Variants in GRAMD1B observed in about 807,000 individuals in gnomAD.
The protein encoded by GRAMD1B is protein Aster-B.
Under a neutral mutation model 99.7 loss-of-function variants are expected in GRAMD1B, and 37 were observed. That is an observed-to-expected ratio of 0.37 (90% confidence interval 0.29 to 0.49). The LOEUF (loss-of-function observed/expected upper bound fraction) is 0.49, where lower values mean the gene tolerates loss of function less well. GRAMD1B is among the 20% of genes least tolerant of loss of function. The pLI is 0.98. For missense variants in GRAMD1B, 888 were observed against 1,009.2 expected (o/e 0.88, Z 1.63); for synonymous variants, 427 against 387.6 (o/e 1.10, Z -1.19).
At chr11:123,419,915 AC>A (rs1487614672) in intron 1 of GRAMD1B, among the ~76,000 whole-genome samples, 1 of 152,048 alleles carries the variant, frequency 6.6e-6, no homozygotes, top group Non-Finnish European at 1.5e-5. Context: ...TGGGAATGGA[AC>A]CCAGTGTCCT....
intron 7 of GRAMD1B, chr11:123,598,880 C>G (rs1244540090): frequency 1.4e-5 from 19 of 1,381,650 alleles, no homozygotes; most frequent in Non-Finnish European, 8.3e-6. Flanking sequence ...CCTGAAGGTA[C>G]TCAAGCAGCA....
At chr11:123,374,132 T>C (rs1156808126) in intron 1 of GRAMD1B, among the ~76,000 whole-genome samples, 2 of 152,202 alleles carry the variant, frequency 1.3e-5, no homozygotes, top group Non-Finnish European at 2.9e-5. Flanking sequence ...TTCCAAAATG[T>C]TATAAATGAT....
At chr11:123,512,881 G>T (rs373212497) in intron 2 of GRAMD1B, among the ~76,000 whole-genome samples, 1 of 151,904 alleles carries the variant, frequency 6.6e-6, no homozygotes, top group Non-Finnish European at 1.5e-5. Context: ...TTTTTCTGGG[G>T]AGAGTATCCT....
intron 2 of GRAMD1B, among the ~76,000 whole-genome samples, chr11:123,564,775 T>C (rs1361299597): frequency 6.6e-6 from 1 of 152,180 alleles, no homozygotes; most frequent in Non-Finnish European, 1.5e-5. Context: ...GAGGGGTCCT[T>C]GATGAGCAAA....
intron 1 of GRAMD1B, among the ~76,000 whole-genome samples, chr11:123,373,062 C>T (rs1004704844): frequency 6.6e-6 from 1 of 152,144 alleles, no homozygotes; most frequent in Non-Finnish European, 1.5e-5. Context: ...TCGCTTAAGT[C>T]CAGGAGGCAG....
Position 123,624,407 on chromosome 11 carries a change from A to G in GRAMD1B, c.*1812A>G, listed in dbSNP as rs530276844. 6.6e-6 allele frequency: 1 copy of G among 152,374 alleles called. No homozygotes were observed. The highest frequency in any genetic ancestry group is 2.1e-4 in the South Asian group (1 of 4,828). 9.4% of individuals were successfully genotyped at this position (152,374 alleles called of 1,614,324 possible). A position where few individuals can be genotyped will look rare whatever the true frequency, so the allele number is the denominator to read the frequency against. ...GCAGGATCAGAAAACAGGAAGGTCC[A>G]TGCCCAGGTGATCCTCCAAGGGAGG... On this transcript the variant is annotated 3_prime_UTR_variant, in exon 20 of 20. Transcript: ENST00000635736.
intron 1 of GRAMD1B, among the ~76,000 whole-genome samples, chr11:123,442,090 A>G (rs1417655220): frequency 6.6e-6 from 1 of 152,140 alleles, no homozygotes; most frequent in Non-Finnish European, 1.5e-5. Flanking sequence ...CCACACACCA[A>G]GAAGTTCTCC....
At chr11:123,499,716 G>A (rs1297903251) in intron 2 of GRAMD1B, among the ~76,000 whole-genome samples, 1 of 152,192 alleles carries the variant, frequency 6.6e-6, no homozygotes, top group Non-Finnish European at 1.5e-5. Flanking sequence ...ATGGTGGTGG[G>A]GTGGGGAGAT....
chr11:123,536,034 G>A (rs1381156525), intron 2 of GRAMD1B, among the ~76,000 whole-genome samples: 2 of 152,176 alleles, frequency 1.3e-5, no homozygotes, highest in Non-Finnish European at 2.9e-5. Context: ...GGGCCTCTGG[G>A]GACAGATGCA....
At chr11:123,596,376 A>G (rs965430124) in intron 7 of GRAMD1B, among the ~76,000 whole-genome samples, 2 of 152,268 alleles carry the variant, frequency 1.3e-5, no homozygotes, top group Non-Finnish European at 2.9e-5. Context: ...ATAATATCAC[A>G]TATATGAAAA....
chr11:123,513,938 G>A (rs75012261), intron 2 of GRAMD1B, among the ~76,000 whole-genome samples: 2 of 152,094 alleles, frequency 1.3e-5, no homozygotes, highest in Admixed American at 1.3e-4. Flanking sequence ...TTATAGGCTT[G>A]AGCCACTGTG....
rs369385728 is a variant in GRAMD1B, at chr11:123,595,995, C to T, written c.927C>T (p.Arg309=). ...CCATGACTAAAGAAAAAACAGCTCGCCTCATTCCCAATGCCATCCAAGTTT... is the reference window on the plus strand; with the variant it reads ...CCATGACTAAAGAAAAAACAGCTCGTCTCATTCCCAATGCCATCCAAGTTT... ...ICSMTKEKTA[R]LIPNAIQVCT... is the part of the protein sequence containing the mutation. Residue 309 remains arginine (R), a synonymous_variant, in exon 7 of 20, where the codon CGC becomes CGT. Transcript: ENST00000635736. The T allele has an allele frequency of 5.2e-5, 84 of 1,609,342 alleles. No individual in the cohort carries two copies. Among genetic ancestry groups the T allele is most frequent in the Non-Finnish European group, 6.6e-5 (78 of 1,177,620 alleles).
chr11:123,617,361 T>C (rs910008710), intron 17 of GRAMD1B, among the ~76,000 whole-genome samples: 1 of 151,972 alleles, frequency 6.6e-6, no homozygotes, highest in South Asian at 2.1e-4. Context: ...TTTTTAAAAA[T>C]ATTTTTTTGT....
Position 123,518,929 on chromosome 11 carries a change from G to C in GRAMD1B, c.452+38036G>C, listed in dbSNP as rs1331365061. Reference sequence around the variant, plus strand: ...AAAGAGGGGCAAAGAAGCCTGGCGGGAGGTGATTCTATTCATTTTATTTTT... The same window carrying C: ...AAAGAGGGGCAAAGAAGCCTGGCGGCAGGTGATTCTATTCATTTTATTTTT... On this transcript the variant is annotated intron_variant, in intron 2 of 19. Transcript: ENST00000635736. Among the ~76,000 whole-genome samples, 7 of 152,228 alleles carry C rather than the reference G, an allele frequency of 4.6e-5. No homozygotes were observed. In the East Asian group the frequency reaches 1.3e-3, roughly 29 times the overall value.
chr11:123,600,095 T>C (rs539050276), intron 7 of GRAMD1B, among the ~76,000 whole-genome samples: 1 of 152,326 alleles, frequency 6.6e-6, no homozygotes, highest in Non-Finnish European at 1.5e-5. Flanking sequence ...GGTCGGCAGA[T>C]TAGTAGATTG....
intron 2 of GRAMD1B, among the ~76,000 whole-genome samples, chr11:123,493,033 G>A (rs533918918): frequency 9.8e-5 from 15 of 152,324 alleles, no homozygotes; most frequent in African/African-American, 3.6e-4. Context: ...TCAGCGCTGT[G>A]CCTTGCACAC....
intron 1 of GRAMD1B, among the ~76,000 whole-genome samples, chr11:123,359,673 T>C (rs763983162): frequency 9.2e-5 from 14 of 152,110 alleles, no homozygotes; most frequent in Admixed American, 7.9e-4. Flanking sequence ...AGGCCCAGTA[T>C]TGAAGAGGGG....
At chr11:123,538,441 G>A (rs923647479) in intron 2 of GRAMD1B, among the ~76,000 whole-genome samples, 1 of 151,942 alleles carries the variant, frequency 6.6e-6, no homozygotes, top group Admixed American at 6.6e-5. Flanking sequence ...CATTTAAGAT[G>A]TACAATTCAA....
intron 1 of GRAMD1B, among the ~76,000 whole-genome samples, chr11:123,370,471 GC>G (rs1285502451): frequency 9.3e-5 from 14 of 150,768 alleles, no homozygotes; most frequent in Admixed American, 9.3e-4. Context: ...CTCCTGAGTA[GC>G]TGGGACTACA....
Sources: gnomAD v4.1 joint callset for allele counts (sites outside exome capture counted in the v4.1 genomes callset) on GRCh38, gnomAD v4.1.1 for gene constraint, MANE v1.5 for transcripts, NCBI Gene and HGNC (gene_info 2026-07-23, HGNC 2026-07-21) for gene names.